The following TEX15 variants were observed in gnomAD, a reference collection of about 807,000 sequenced individuals.
TEX15 encodes the protein testis-expressed protein 15.
Under a neutral mutation model 237.3 loss-of-function variants are expected in TEX15, and 171 were observed. That is an observed-to-expected ratio of 0.72 (90% CI 0.64 to 0.82). The LOEUF (loss-of-function observed/expected upper bound fraction) is 0.82. TEX15 is among the 40% of genes least tolerant of loss of function. TEX15 has a pLI of 0.00. For missense variants in TEX15, 3,750 were observed against 3,646.5 expected (o/e 1.03, Z -0.73); for synonymous variants, 1,338 against 1,269.8 (o/e 1.05, Z -1.14).
chr8:30,891,486 C>G (rs941664816), intron 2 of TEX15, among the ~76,000 whole-genome samples: 1 of 152,044 alleles, frequency 6.6e-6, no homozygotes, highest in African/African-American at 2.4e-5. Flanking sequence ...CCCGCACCCC[C>G]CCTTTTTTTT....
Position 30,865,768 on chromosome 8 carries a change from C to A in TEX15, c.540+1497G>T, listed in dbSNP as rs1044055330. 3.9e-5 allele frequency among the ~76,000 whole-genome samples: 6 copies of A among 152,106 alleles called. No individual in the cohort carries two copies. The East Asian group carries it at 9.6e-4, about 24-fold the overall frequency. On this transcript the variant is annotated intron_variant, in intron 5 of 10. Coordinates refer to ENST00000643185, the MANE Select transcript of TEX15 (RefSeq NM_001350162.2). Reference sequence around the variant, plus strand: ...AACATTCCTTCACAAAAAGTCTCAACAAATTGGGTACAGAAGGAATATACC... The same window carrying A: ...AACATTCCTTCACAAAAAGTCTCAAAAAATTGGGTACAGAAGGAATATACC...
chr8:30,845,378 CATT>C lies in TEX15; in HGVS notation c.4786_4788del (p.Asn1596del), dbSNP rs1403788054. On this transcript the variant is annotated inframe_deletion, in exon 8 of 11. Coordinates refer to ENST00000643185, the MANE Select transcript of TEX15 (RefSeq NM_001350162.2). Reference sequence around the variant, plus strand: ...CTGTTTTCTTTAGTTGCATCTTTAACATTATGATTTGCTGAATGTTTTTCAAGC... The same window carrying C: ...CTGTTTTCTTTAGTTGCATCTTTAACATGATTTGCTGAATGTTTTTCAAGC... 12 of 1,611,416 alleles carry C rather than the reference CATT, an allele frequency of 7.4e-6. No homozygotes were observed. Among genetic ancestry groups the C allele is most frequent in the Admixed American group, 3.3e-5 (2 of 59,732 alleles).
intron 1 of TEX15, among the ~76,000 whole-genome samples, chr8:30,908,135 G>A (rs568741621): frequency 1.3e-5 from 2 of 152,082 alleles, no homozygotes; most frequent in African/African-American, 4.8e-5. Context: ...CGTTGCCCAG[G>A]CTGGTCTTGA....
chr8:30,898,317 G>C (rs559570866), intron 2 of TEX15, among the ~76,000 whole-genome samples: 1 of 152,276 alleles, frequency 6.6e-6, no homozygotes, highest in South Asian at 2.1e-4. Context: ...GACCCCTCGT[G>C]AATGGGATTA....
chr8:30,877,792 C>T (rs1159515772), intron 3 of TEX15, among the ~76,000 whole-genome samples: 1 of 152,124 alleles, frequency 6.6e-6, no homozygotes, highest in Non-Finnish European at 1.5e-5. Context: ...TTGGTACAAG[C>T]CACAGACCTT....
chr8:30,889,469 A>G (rs1808737592), intron 2 of TEX15, among the ~76,000 whole-genome samples: 1 of 152,136 alleles, frequency 6.6e-6, no homozygotes, highest in African/African-American at 2.4e-5. Flanking sequence ...AAAAAATTAC[A>G]TATTCAAGAA....
chr8:30,879,228 A>G (rs1808468947), intron 3 of TEX15, among the ~76,000 whole-genome samples: 1 of 151,680 alleles, frequency 6.6e-6, no homozygotes, highest in South Asian at 2.1e-4. Context: ...CCCCATTCCT[A>G]GCTTATCTTC....
chr8:30,879,122 A>G (rs323383), intron 3 of TEX15, among the ~76,000 whole-genome samples: 3,299 of 149,468 alleles, frequency 0.022, 115 homozygotes, highest in African/African-American at 0.076. Flanking sequence ...TTCTAACTGG[A>G]TTGCCTTTTT....
rs930718087 is a variant in TEX15 at position 30,847,891 on chromosome 8, C to G, written c.2276G>C (p.Ser759Thr). The change falls in exon 8 of 11, where the codon AGC becomes ACC. Residue 759 changes from serine to threonine, a missense_variant. Physicochemically the swap from Ser to Thr is moderately conservative, Grantham distance 58. Coordinates refer to ENST00000643185, the MANE Select transcript of TEX15 (RefSeq NM_001350162.2). ...KLGKINQNYASIITEAFPKPK... is the reference protein window; with the variant it reads ...KLGKINQNYATIITEAFPKPK... ...TTTCGGGAAAGCTTCAGTTATAATG[C>G]TAGCATAATTTTGATTTATTTTCCC... The G allele has an allele frequency of 6.2e-7, 1 of 1,613,854 alleles. No homozygotes were observed. Among genetic ancestry groups the G allele is most frequent in the Middle Eastern group, 1.7e-4 (1 of 6,060 alleles).
intron 4 of TEX15, among the ~76,000 whole-genome samples, chr8:30,871,619 G>A (rs1182967353): frequency 6.6e-6 from 1 of 152,104 alleles, no homozygotes; most frequent in African/African-American, 2.4e-5. Flanking sequence ...GAATTGTTAG[G>A]AAAACTGCAG....
chr8:30,904,686 G>C (rs1402155252), intron 1 of TEX15, among the ~76,000 whole-genome samples: 2 of 152,094 alleles, frequency 1.3e-5, no homozygotes, highest in African/African-American at 4.8e-5. Flanking sequence ...TGTCAATGAG[G>C]TGTGCATGAC....
intron 1 of TEX15, among the ~76,000 whole-genome samples, chr8:30,906,521 C>T (rs889952802): frequency 1.4e-5 from 2 of 147,698 alleles, no homozygotes; most frequent in Non-Finnish European, 3.0e-5. Context: ...ACCCGGGAGG[C>T]GGAGCTTGTG....
At chr8:30,874,311 T>C (rs955707041) in intron 4 of TEX15, among the ~76,000 whole-genome samples, 2 of 152,160 alleles carry the variant, frequency 1.3e-5, no homozygotes, top group Admixed American at 6.6e-5. Flanking sequence ...AGGAGACAAG[T>C]TAGAAGAAAA....
Position 30,848,815 on chromosome 8 carries a change from C to T in TEX15, c.1352G>A (p.Gly451Asp). Residue 451 changes from glycine (G) to aspartate (D), a missense_variant, in exon 8 of 11, where the codon GGC (glycine) becomes GAC (aspartate). Physicochemically the swap from Gly to Asp is moderately conservative, Grantham distance 94. Transcript: ENST00000643185. ...ESMGEQSSTA[G>D]LNEVLQFEKS... ...CTCAAATTGCAAAACCTCATTTAAG[C>T]CTGCAGTACTACTCTGTTCTCCCAT... The T allele has an allele frequency of 1.2e-6, 2 of 1,614,136 alleles. No individual in the cohort carries two copies. Among genetic ancestry groups the T allele is most frequent in the Non-Finnish European group, 1.7e-6 (2 of 1,180,028 alleles).
intron 7 of TEX15, among the ~76,000 whole-genome samples, chr8:30,849,786 C>A (rs1453403177): frequency 6.6e-6 from 1 of 151,656 alleles, no homozygotes. Context: ...GTAATCCCAG[C>A]TACTCAGGAG....
rs1216431412 is a variant in TEX15, at chr8:30,836,821, C to T, written c.9463G>A (p.Glu3155Lys). 6.2e-7 allele frequency: 1 copy of T among 1,606,634 alleles called. No individual in the cohort carries two copies. Among genetic ancestry groups the T allele is most frequent in the Non-Finnish European group, 8.5e-7 (1 of 1,176,740 alleles). The change falls in exon 10 of 11, where the codon GAA (glutamate) becomes AAA (lysine). Residue 3155 changes from glutamate to lysine, a missense_variant. Physicochemically the swap from Glu to Lys is moderately conservative, Grantham distance 56. Transcript: ENST00000643185. ...AACTCACCATAAACCCAAGGAACTT[C>T]TGGAGGCACAAATCGATTAGGAAGG... ...PYLPNRFVPP[E>K]VPWVYAPWHQ...
rs1808382597 is a variant in TEX15, at chr8:30,875,544, TGATACA to T, written c.137-448_137-443del. 3.3e-5 allele frequency among the ~76,000 whole-genome samples: 5 copies of T among 152,326 alleles called. No homozygotes were observed. In the South Asian group the frequency reaches 1.0e-3, roughly 32 times the overall value. Reference sequence around the variant, plus strand: ...AAGAACATGTGTGTAAGATGCTGCCTGATACAGTGGCATGTGAAAGAGGAAACAGAC... The same window carrying T: ...AAGAACATGTGTGTAAGATGCTGCCTGTGGCATGTGAAAGAGGAAACAGAC... On this transcript the variant is annotated intron_variant, in intron 3 of 10. Transcript: ENST00000643185.
intron 7 of TEX15, among the ~76,000 whole-genome samples, chr8:30,856,438 C>T (rs193249710): frequency 6.6e-6 from 1 of 152,014 alleles, no homozygotes; most frequent in Non-Finnish European, 1.5e-5. Context: ...CACCTGTAGT[C>T]CCAGCAACTG....
rs143674508 is a variant in TEX15 at position 30,836,937 on chromosome 8, A to C, written c.9347T>G (p.Phe3116Cys). 6.8e-6 allele frequency: 11 copies of C among 1,614,206 alleles called. No individual in the cohort carries two copies. The highest frequency in any genetic ancestry group is 2.7e-5 in the African/African-American group (2 of 75,054). ...ANGFVPVNGY[F>C]QSQIPASNFR... Reference sequence around the variant, plus strand: ...ATTAGAAGCAGGTATTTGAGATTGAAAATACCCATTCACTGGCACAAAGCC... The same window carrying C: ...ATTAGAAGCAGGTATTTGAGATTGACAATACCCATTCACTGGCACAAAGCC... Residue 3116 changes from phenylalanine to cysteine, a missense_variant, in exon 10 of 11, where the codon TTT (phenylalanine) becomes TGT (cysteine). Coordinates refer to ENST00000643185, the MANE Select transcript of TEX15 (RefSeq NM_001350162.2).
Sources: gnomAD v4.1 joint callset for allele counts (sites outside exome capture counted in the v4.1 genomes callset) on GRCh38, gnomAD v4.1.1 for gene constraint, MANE v1.5 for transcripts, NCBI Gene and HGNC (gene_info 2026-07-23, HGNC 2026-07-21) for gene names.